The following MICB variants were observed in gnomAD, a reference collection of about 807,000 sequenced individuals.
MICB encodes the protein MHC class I antigen-related protein B.
In MICB, 27 loss-of-function variants were observed where a neutral mutation model predicts 34.3. The ratio of observed to expected loss-of-function variants is 0.79; its 90% CI spans 0.58 to 1.08. The LOEUF is 1.08. Among genes scored for constraint, MICB ranks in the 50% least tolerant of loss-of-function variants. The pLI is 0.00. For missense variants in MICB, 426 were observed against 483.1 expected (o/e 0.88, Z 1.11); for synonymous variants, 153 against 187.4 (o/e 0.82, Z 1.50).
At chr6:31,497,737 C>T (rs1020972200), upstream of MICB, among the ~76,000 whole-genome samples, 4 of 152,090 alleles carry the variant, frequency 2.6e-5, no homozygotes, top group African/African-American at 9.7e-5. Flanking sequence ...GTTGTCTGTC[C>T]CGGAAGGAAC....
chr6:31,498,059 G>A (rs983612023), upstream of MICB: 13 of 559,372 alleles, frequency 2.3e-5, no homozygotes, highest in Non-Finnish European at 3.8e-5. Context: ...TTGGCCCTAA[G>A]TTCCGGGCCT....
chr6:31,499,109 G>A (rs1764876651), intron 1 of MICB, among the ~76,000 whole-genome samples: 1 of 152,044 alleles, frequency 6.6e-6, no homozygotes, highest in African/African-American at 2.4e-5. Context: ...GCTGCTGTGG[G>A]GACTGTGGGG....
Position 31,509,869 on chromosome 6 carries a change from TG to T in MICB, c.1113del (p.Met371IlefsTer76), listed in dbSNP as rs762460973. ...DAAQLGFQPL[M>X]SATGSTGSTE... is the part of the protein sequence containing the mutation. The stretch of plus-strand genomic sequence containing the variant: ...GCACAGCTGGGATTTCAGCCTCTGA[TG>T]TCAGCTACTGGGTCCACTGGTTCCA... On this transcript the variant is annotated frameshift_variant, in exon 6 of 6. Coordinates refer to ENST00000252229, the MANE Select transcript of MICB (RefSeq NM_005931.5). LOFTEE classifies it high-confidence loss of function. 3 of 1,613,600 alleles carry T rather than the reference TG, an allele frequency of 1.9e-6. No homozygotes were observed. The highest frequency in any genetic ancestry group is 2.5e-6 in the Non-Finnish European group (3 of 1,179,756).
Position 31,507,645 on chromosome 6 carries a change from T to C in MICB, c.1024+114T>C. On this transcript the variant is annotated intron_variant, in intron 5 of 5. Transcript: ENST00000252229. The surrounding 1 kb of genome is among the most constrained non-coding windows in gnomAD (Gnocchi z 6.0). ...GTGACAAGGCTGCTGGGACAGGGGATGGAAGCTGGGGTATTTGGGAGGGGA... is the reference window on the plus strand; with the variant it reads ...GTGACAAGGCTGCTGGGACAGGGGACGGAAGCTGGGGTATTTGGGAGGGGA... 1 of 1,298,392 alleles carries C rather than the reference T, an allele frequency of 7.7e-7. No individual in the cohort carries two copies. Among genetic ancestry groups the C allele is most frequent in the Non-Finnish European group, 1.1e-6 (1 of 922,806 alleles). The allele number at this position is 1,298,392 out of a possible 1,614,324, so 80.4% of individuals were successfully genotyped here.
At chr6:31,509,360 G>A (rs571272270) in intron 5 of MICB, among the ~76,000 whole-genome samples, 128 of 152,308 alleles carry the variant, frequency 8.4e-4, no homozygotes, top group African/African-American at 2.7e-3. Flanking sequence ...TAGAGGGCAG[G>A]GCCCACAGTG....
At position 31,510,494 on chromosome 6, in the gene MICB, C is replaced by T. The variant is rs1005507131; in HGVS notation, c.*585C>T. ...TCAGTCCAATACAGGGTTGTGGGGC[C>T]CTTAACAGTGCCATATTAATTGGTA... is the stretch of plus-strand genomic sequence containing the variant. On this transcript the variant is annotated 3_prime_UTR_variant, in exon 6 of 6. Transcript: ENST00000252229. The T allele has an allele frequency of 1.3e-5, 2 of 152,080 alleles. No individual in the cohort carries two copies. Among genetic ancestry groups the T allele is most frequent in the African/African-American group, 2.4e-5 (1 of 41,370 alleles). 9.4% of individuals were successfully genotyped at this position (152,080 alleles called of 1,614,324 possible).
chr6:31,502,202 G>T (rs1480531654), intron 1 of MICB, among the ~76,000 whole-genome samples: 1 of 152,186 alleles, frequency 6.6e-6, no homozygotes, highest in Non-Finnish European at 1.5e-5. Flanking sequence ...AGGCGTGGTG[G>T]CATATGCCTG....
At chr6:31,501,831 C>G (rs1184736612) in intron 1 of MICB, among the ~76,000 whole-genome samples, 1 of 152,120 alleles carries the variant, frequency 6.6e-6, no homozygotes, top group Admixed American at 6.5e-5. Context: ...TTTGATTACT[C>G]TAGCTCTGTA....
intron 5 of MICB, among the ~76,000 whole-genome samples, chr6:31,508,357 A>G (rs3131635): frequency 0.77 from 117,671 of 152,172 alleles, 45,736 homozygotes; most frequent in East Asian, 0.88. Context: ...GTTTGATGGG[A>G]GATGAAAAGA....
intron 1 of MICB, among the ~76,000 whole-genome samples, chr6:31,503,985 G>A (rs4947322): frequency 0.34 from 51,103 of 148,768 alleles, 8,900 homozygotes; most frequent in East Asian, 0.46. Flanking sequence ...GTGTGTGTGT[G>A]TGATAATAGC....
At chr6:31,498,742 C>CAG in intron 1 of MICB, 1 of 157,484 alleles carries the variant, frequency 6.3e-6, no homozygotes. Context: ...GCTGGGATTA[C>CAG]AGGCGTGAGC....
intron 1 of MICB, 86 bp from the exon 2 acceptor site, chr6:31,505,531 A>AGGTC: frequency 6.4e-7 from 1 of 1,556,580 alleles, no homozygotes; most frequent in South Asian, 1.2e-5. Context: ...CTCCTCAGGG[A>AGGTC]GGTCGGGACA....
chr6:31,496,588 G>C (rs2844501), upstream of MICB: 47,723 of 151,292 alleles, frequency 0.32, 7,766 homozygotes, highest in Middle Eastern at 0.38. Context: ...GGATGCTCTC[G>C]ATCTCCTGAC....
At chr6:31,498,080 TG>T, upstream of MICB, 1 of 774,784 alleles carries the variant, frequency 1.3e-6, no homozygotes, top group Non-Finnish European at 1.9e-6. Context: ...CAGTTTTCAC[TG>T]GATAAGCGGT....
chr6:31,506,878 C>G, intron 3 of MICB, 144 bp from the exon 4 acceptor site: 2 of 1,348,164 alleles, frequency 1.5e-6, no homozygotes, highest in African/African-American at 2.9e-5. Context: ...GGAATTAGGC[C>G]CCAGGGTGAG....
Position 31,510,119 on chromosome 6 carries a change from G to T in MICB, c.*210G>T. ...TGACCAACTCAACATTCCATTGGAG[G>T]CTATATGATCAAACAGCAAATTGTT... On this transcript the variant is annotated 3_prime_UTR_variant, in exon 6 of 6. Coordinates refer to ENST00000252229, the MANE Select transcript of MICB (RefSeq NM_005931.5). 2.1e-6 allele frequency: 1 copy of T among 466,294 alleles called. No individual in the cohort carries two copies. 28.9% of individuals were successfully genotyped at this position (466,294 alleles called of 1,614,324 possible).
In MICB at chr6:31,498,231, C is replaced by A. The variant is rs770131989; in HGVS notation, c.38C>A (p.Ala13Asp). The change falls in exon 1 of 6, where the codon GCC becomes GAC. Residue 13 changes from alanine to aspartate, a missense_variant. Ala to Asp is a moderately radical substitution (Grantham distance 126, BLOSUM62 -2). Transcript: ENST00000252229. ...CGGGTCCTGCTGTTTCTGGCCGTCG[C>A]CTTCCCTTTTGCACCCCCGGCAGCC... is the stretch of plus-strand genomic sequence containing the variant. ...LGRVLLFLAV[A>D]FPFAPPAAAA... 2.5e-6 allele frequency: 4 copies of A among 1,585,172 alleles called. No homozygotes were observed. In the East Asian group the frequency reaches 9.8e-5, roughly 39 times the overall value.
At chr6:31,497,336 G>C (rs1764721131), upstream of MICB, among the ~76,000 whole-genome samples, 2 of 151,964 alleles carry the variant, frequency 1.3e-5, no homozygotes, top group Admixed American at 6.6e-5. Context: ...TATTGAAGGG[G>C]ACTATGGTCC....
rs1261699955 is a variant in MICB, at chr6:31,507,066, A to G, written c.658A>G (p.Asn220Asp). 1 of 1,613,964 alleles carries G rather than the reference A, an allele frequency of 6.2e-7. No individual in the cohort carries two copies. Among genetic ancestry groups the G allele is most frequent in the East Asian group, 2.2e-5 (1 of 44,892 alleles). ...NVTCSEVSEG[N>D]ITVTCRASSF... ...CACCTGCAGCGAGGTCTCAGAGGGC[A>G]ACATCACCGTGACATGCAGGGCTTC... The change falls in exon 4 of 6, where the codon AAC becomes GAC. Residue 220 changes from asparagine (N) to aspartate (D), a missense_variant. Asn to Asp is a conservative substitution (Grantham distance 23, BLOSUM62 1). Coordinates refer to ENST00000252229, the MANE Select transcript of MICB (RefSeq NM_005931.5). This position sits in a 1 kb window ranked among gnomAD's most constrained non-coding sequence, Gnocchi z 6.0.
Sources: allele counts gnomAD v4.1 joint callset (sites outside exome capture counted in the v4.1 genomes callset), GRCh38; gene constraint gnomAD v4.1.1; non-coding constraint Gnocchi (gnomAD v3.1); transcripts MANE v1.5; gene names NCBI Gene and HGNC (gene_info 2026-07-23, HGNC 2026-07-21).